SPRED1: variants seen among roughly 807,000 people sequenced by gnomAD.
SPRED1 encodes the protein sprouty related EVH1 domain containing 1.
In SPRED1, 18 loss-of-function variants were observed where a neutral mutation model predicts 52.3. The observed-to-expected ratio is 0.34, with a 90% CI of 0.24 to 0.51. The LOEUF is 0.51. Among genes scored for constraint, SPRED1 ranks in the 20% least tolerant of loss-of-function variants. The pLI is 0.97. For synonymous variants in SPRED1, 155 were observed against 179.7 expected, an observed-to-expected ratio of 0.86 and a Z score of 1.10; for missense variants, 485 against 551.0, an observed-to-expected ratio of 0.88 and a Z score of 1.20.
chr15:38,272,458 A>C (rs1469076306), intron 1 of SPRED1, among the ~76,000 whole-genome samples: 1 of 151,598 alleles, frequency 6.6e-6, no homozygotes, highest in East Asian at 1.9e-4. Flanking sequence ...CACTAGAGAC[A>C]GGGGTTTCAC....
chr15:38,340,009 A>G, intron 5 of SPRED1, 114 bp downstream of exon 5: 1 of 1,329,758 alleles, frequency 7.5e-7, no homozygotes, highest in Non-Finnish European at 1.1e-6. Context: ...TAAACAAACA[A>G]ACAAAAACCC....
At chr15:38,339,937 G>T in intron 5 of SPRED1, 42 bp downstream of exon 5, 2 of 1,612,012 alleles carry the variant, frequency 1.2e-6, no homozygotes, top group Non-Finnish European at 1.7e-6. Context: ...GTTTATATGT[G>T]TAGAAATTGA....
At chr15:38,344,255 A>G (rs1235282945) in intron 5 of SPRED1, among the ~76,000 whole-genome samples, 2 of 152,210 alleles carry the variant, frequency 1.3e-5, no homozygotes, top group Non-Finnish European at 2.9e-5. Flanking sequence ...TCACTGATTC[A>G]TACAGTTGAG....
intron 2 of SPRED1, among the ~76,000 whole-genome samples, chr15:38,305,596 A>T (rs1471401701): frequency 6.6e-6 from 1 of 151,876 alleles, no homozygotes; most frequent in Non-Finnish European, 1.5e-5. Context: ...GAGTATAGGG[A>T]AGTTTTTTGC....
At chr15:38,275,369 T>A (rs1253314570) in intron 1 of SPRED1, among the ~76,000 whole-genome samples, 1 of 152,210 alleles carries the variant, frequency 6.6e-6, no homozygotes, top group African/African-American at 2.4e-5. Context: ...CTCATGCTTT[T>A]CTTGCCCAGC....
intron 1 of SPRED1, among the ~76,000 whole-genome samples, chr15:38,287,580 C>T (rs1451156500): frequency 6.6e-6 from 1 of 152,052 alleles, no homozygotes; most frequent in Non-Finnish European, 1.5e-5. Context: ...GTCTGGTGGC[C>T]TTTGCATTCA....
chr15:38,304,354 A>G (rs1224791063), intron 2 of SPRED1, among the ~76,000 whole-genome samples: 1 of 152,188 alleles, frequency 6.6e-6, no homozygotes. Context: ...CAATTGCCTT[A>G]ACTAACTTTT....
At chr15:38,277,582 C>T (rs1043284396) in intron 1 of SPRED1, among the ~76,000 whole-genome samples, 7 of 152,160 alleles carry the variant, frequency 4.6e-5, no homozygotes, top group Admixed American at 3.3e-4. Flanking sequence ...GATGAACATA[C>T]ATGTGCATGT....
intron 1 of SPRED1, among the ~76,000 whole-genome samples, chr15:38,273,286 A>G (rs1894477344): frequency 6.6e-6 from 1 of 152,098 alleles, no homozygotes; most frequent in Non-Finnish European, 1.5e-5. Context: ...CCTCATTTTG[A>G]AGAAACATCT....
chr15:38,320,385 C>G (rs570989263), intron 2 of SPRED1, among the ~76,000 whole-genome samples: 2 of 152,236 alleles, frequency 1.3e-5, no homozygotes, highest in South Asian at 4.1e-4. Flanking sequence ...GGCAAACAGA[C>G]AAAGACCAGC....
intron 1 of SPRED1, chr15:38,298,535 C>A: frequency 3.2e-6 from 1 of 315,702 alleles, no homozygotes; most frequent in Non-Finnish European, 6.0e-6. Context: ...TTCTGGTACA[C>A]AAAACAACAT....
At chr15:38,328,463 T>G (rs989783682) in intron 4 of SPRED1, among the ~76,000 whole-genome samples, 2 of 152,204 alleles carry the variant, frequency 1.3e-5, no homozygotes, top group Non-Finnish European at 2.9e-5. Context: ...ACAAAGAAAT[T>G]TACCTTTCTA....
intron 4 of SPRED1, among the ~76,000 whole-genome samples, chr15:38,333,350 G>A (rs1374178125): frequency 6.6e-6 from 1 of 152,082 alleles, no homozygotes; most frequent in African/African-American, 2.4e-5. Flanking sequence ...AAAATCAGAA[G>A]TATGAAACAT....
chr15:38,309,368 T>G (rs1895316530), intron 2 of SPRED1, among the ~76,000 whole-genome samples: 1 of 152,226 alleles, frequency 6.6e-6, no homozygotes, highest in Admixed American at 6.5e-5. Context: ...CTTGAACTCC[T>G]GACCTTAAGT....
At chr15:38,329,333 A>G (rs11073316) in intron 4 of SPRED1, among the ~76,000 whole-genome samples, 125,354 of 152,106 alleles carry the variant, frequency 0.82, 52,448 homozygotes, top group Non-Finnish European at 0.9. Flanking sequence ...GTCATTTCTG[A>G]GCCAAAATGA....
chr15:38,254,516 AAAT>A lies in SPRED1; in HGVS notation c.32+1303_32+1305del. Among the ~76,000 whole-genome samples, 4 of 152,346 alleles carry A rather than the reference AAAT, an allele frequency of 2.6e-5. No homozygotes were observed. In the South Asian group the frequency reaches 8.3e-4, roughly 32 times the overall value. ...ATAGCACACTCTTCATTCATAAAAAAAATAATTAAACATCCATCACCTTGGACA... is the reference window on the plus strand; with the variant it reads ...ATAGCACACTCTTCATTCATAAAAAAAATTAAACATCCATCACCTTGGACA... On this transcript the variant is annotated intron_variant, in intron 1 of 6. Coordinates refer to ENST00000299084, the MANE Select transcript of SPRED1 (RefSeq NM_152594.3).
At chr15:38,336,568 TAC>T (rs558718088) in intron 4 of SPRED1, among the ~76,000 whole-genome samples, 24 of 150,164 alleles carry the variant, frequency 1.6e-4, no homozygotes, top group Admixed American at 1.0e-3. Context: ...ATTATATATA[TAC>T]ACACACACAC....
chr15:38,347,525 C>T lies in SPRED1; in HGVS notation c.583-1897C>T, dbSNP rs944006937. On this transcript the variant is annotated intron_variant, in intron 5 of 6. Transcript: ENST00000299084. ...GCCCTTTTAAAATATTTAGAATCAG[C>T]TTGTCAAATCTGATGAAGAATCCTT... 4.3e-5 allele frequency among the ~76,000 whole-genome samples: 6 copies of T among 138,532 alleles called. No individual in the cohort carries two copies. In the Admixed American group the frequency reaches 4.6e-4, roughly 11 times the overall value. The allele number at this position is 138,532 out of a possible 152,430, so 90.9% of individuals were successfully genotyped here.
intron 4 of SPRED1, among the ~76,000 whole-genome samples, chr15:38,338,376 A>C (rs938566534): frequency 6.6e-6 from 1 of 150,738 alleles, no homozygotes; most frequent in Non-Finnish European, 1.5e-5. Flanking sequence ...TATTTTCAGA[A>C]ATCTCTGGAA....
Sources: allele counts gnomAD v4.1 joint callset (sites outside exome capture counted in the v4.1 genomes callset), GRCh38; gene constraint gnomAD v4.1.1; transcripts MANE v1.5; gene names NCBI Gene and HGNC (gene_info 2026-07-23, HGNC 2026-07-21).